NTRK1: variants seen among roughly 807,000 people sequenced by gnomAD.
NTRK1 encodes neurotrophic receptor tyrosine kinase 1, also known as high affinity nerve growth factor receptor.
A neutral mutation model predicts 86.8 loss-of-function variants in NTRK1; 62 were observed. That is an observed-to-expected ratio of 0.71 (90% CI 0.58 to 0.88). The LOEUF (loss-of-function observed/expected upper bound fraction) is 0.88. Ranked by LOEUF, NTRK1 falls within the 40% of genes least tolerant of loss-of-function variation. NTRK1 has a pLI of 0.00. For synonymous variants in NTRK1, 469 were observed against 456.6 expected (o/e 1.03, Z -0.35); for missense variants, 967 against 1,078.4 (o/e 0.90, Z 1.45).
chr1:156,881,423 T>C, intron 16 of NTRK1, 34 bp from the exon 17 acceptor site: 1 of 1,548,700 alleles, frequency 6.5e-7, no homozygotes, highest in South Asian at 1.2e-5. Flanking sequence ...CCCAGCCTAG[T>C]GGGCTTTCTC....
chr1:156,846,506 T>A (rs1440679864), intron 2 of NTRK1: 1 of 1,606,706 alleles, frequency 6.2e-7, no homozygotes, highest in South Asian at 1.1e-5. Context: ...TCTTGCACCC[T>A]CCAAATGCCT....
At chr1:156,816,639 C>G in intron 1 of NTRK1, 1 of 1,590,056 alleles carries the variant, frequency 6.3e-7, no homozygotes, top group Non-Finnish European at 8.6e-7. Context: ...GGTCTTTGTG[C>G]CCCCTCCCAC....
intron 1 of NTRK1, 91 bp downstream of exon 1, chr1:156,861,237 G>A: frequency 2.1e-6 from 3 of 1,424,360 alleles, no homozygotes; most frequent in Non-Finnish European, 2.8e-6. Context: ...TTGCTGGTCA[G>A]GCAGGACGAG....
At chr1:156,848,102 TCTCCAGCTG>T (rs146042529) in intron 2 of NTRK1, among the ~76,000 whole-genome samples, 3,466 of 152,062 alleles carry the variant, frequency 0.023, 151 homozygotes, top group African/African-American at 0.079. Flanking sequence ...TTTAACAAAC[TCTCCAGCTG>T]CCCACGCTGG....
chr1:156,816,166 TC>T, intron 1 of NTRK1: 2 of 1,520,580 alleles, frequency 1.3e-6, no homozygotes, highest in Non-Finnish European at 1.8e-6. Context: ...CCACCCCTCC[TC>T]CCAGGCTCAG....
At chr1:156,846,483 G>A (rs747954450) in intron 2 of NTRK1, 2 of 1,521,554 alleles carry the variant, frequency 1.3e-6, no homozygotes, top group South Asian at 2.3e-5. Flanking sequence ...ATGGATGCAG[G>A]CGTCTGACTG....
intron 1 of NTRK1, among the ~76,000 whole-genome samples, chr1:156,833,535 C>T (rs770549603): frequency 1.7e-4 from 25 of 147,492 alleles, no homozygotes; most frequent in Non-Finnish European, 3.1e-4. Context: ...CCAGCCTGGG[C>T]GATAAGAGCG....
At chr1:156,827,103 G>T (rs1190386362) in intron 1 of NTRK1, among the ~76,000 whole-genome samples, 2 of 150,700 alleles carry the variant, frequency 1.3e-5, no homozygotes, top group African/African-American at 2.5e-5. Flanking sequence ...ATTTTTTTGA[G>T]ACAGGATCTC....
At chr1:156,817,502 A>G (rs1234742922) in intron 1 of NTRK1, among the ~76,000 whole-genome samples, 1 of 152,082 alleles carries the variant, frequency 6.6e-6, no homozygotes, top group Non-Finnish European at 1.5e-5. Flanking sequence ...CCTGGCTTCC[A>G]TCATTCAGCA....
At position 156,850,531 on chromosome 1, in the gene NTRK1, A is replaced by T. The variant is rs1298184224; in HGVS notation, c.50+8338A>T. Among the ~76,000 whole-genome samples the T allele has an allele frequency of 2.6e-3, 251 of 97,006 alleles. 1 individual carries two copies. The highest frequency in any genetic ancestry group is 8.6e-3 in the African/African-American group (223 of 25,910). The allele number at this position is 97,006 out of a possible 152,430, so 63.6% of individuals were successfully genotyped here. A position where few individuals can be genotyped will look rare whatever the true frequency, so the allele number is the denominator to read the frequency against. ...CCCGACCTGGATGGTAATTTAAAACATTCTTTTTTTTTTTTTTTTTTTTTT... is the reference window on the plus strand; with the variant it reads ...CCCGACCTGGATGGTAATTTAAAACTTTCTTTTTTTTTTTTTTTTTTTTTT... On this transcript the variant is annotated intron_variant, in intron 2 of 16. Transcript: ENST00000392302.
intron 1 of NTRK1, chr1:156,841,381 G>A (rs1558082840): frequency 1.2e-6 from 2 of 1,612,942 alleles, no homozygotes; most frequent in Non-Finnish European, 1.7e-6. Flanking sequence ...AAGGGGCAGG[G>A]GAGGTGACTC....
chr1:156,845,612 T>C, intron 2 of NTRK1: 1 of 1,544,168 alleles, frequency 6.5e-7, no homozygotes, highest in South Asian at 1.1e-5. Context: ...GCGCGCGCTC[T>C]TCGCACATGG....
At chr1:156,873,049 G>GTGTGTC (rs1647659897) in intron 7 of NTRK1, among the ~76,000 whole-genome samples, 1 of 150,928 alleles carries the variant, frequency 6.6e-6, no homozygotes, top group South Asian at 2.1e-4. Flanking sequence ...GTGTGTGTGT[G>GTGTGTC]TGTGTGTGTG....
intron 11 of NTRK1, 86 bp downstream of exon 11, chr1:156,875,094 G>A (rs1647819625): frequency 9.8e-7 from 1 of 1,015,782 alleles, no homozygotes; most frequent in Admixed American, 1.7e-5. Context: ...GTCTCTGGGG[G>A]GCTGTGCACA....
At chr1:156,879,022 G>C (rs899297184) in intron 14 of NTRK1, 100 bp from the exon 15 acceptor site, 1 of 1,410,638 alleles carries the variant, frequency 7.1e-7, no homozygotes, top group African/African-American at 1.4e-5. Context: ...CAGGTCCCCA[G>C]TCTCCTCTCC....
intron 14 of NTRK1, 46 bp downstream of exon 14, chr1:156,876,618 GC>G (rs1558106773): frequency 6.3e-7 from 1 of 1,578,146 alleles, no homozygotes; most frequent in South Asian, 1.1e-5. Flanking sequence ...CTGGCTCTGG[GC>G]CCCGTCTTCC....
At chr1:156,851,252 G>A (rs781166702) in intron 2 of NTRK1, 16 of 1,612,102 alleles carry the variant, frequency 9.9e-6, no homozygotes, top group Middle Eastern at 1.7e-4. Context: ...GGAGGAAGGA[G>A]TGTAATAGAA....
chr1:156,874,901 A>G lies in NTRK1; in HGVS notation c.1252-5A>G. 1 of 1,603,486 alleles carries G rather than the reference A, an allele frequency of 6.2e-7. No individual in the cohort carries two copies. The highest frequency in any genetic ancestry group is 8.5e-7 in the Non-Finnish European group (1 of 1,172,892). On this transcript the variant is annotated splice_polypyrimidine_tract_variant and splice_region_variant and intron_variant, in intron 10 of 16. Transcript: ENST00000524377. ...CTGGATCTAACTACCCCTGTCCCCCACCAGGTCTCGGTGGCTGTGGGCCTG... is the reference window on the plus strand; with the variant it reads ...CTGGATCTAACTACCCCTGTCCCCCGCCAGGTCTCGGTGGCTGTGGGCCTG...
rs751143746 is a variant in NTRK1, at chr1:156,841,062, C to G, written c.-63-1019C>G. The G allele has an allele frequency of 5.1e-6, 8 of 1,580,500 alleles. No individual in the cohort carries two copies. In the African/African-American group the frequency reaches 9.4e-5, roughly 19 times the overall value. On this transcript the variant is annotated intron_variant, in intron 1 of 16. Transcript: ENST00000392302. ...CCAGAATGTGTGTGAAAGATGGGCG[C>G]AGGCGTGGGTTCGGCTGCCAGCAGC...
Sources: gnomAD v4.1 joint callset for allele counts (sites outside exome capture counted in the v4.1 genomes callset) on GRCh38, gnomAD v4.1.1 for gene constraint, MANE v1.5 for transcripts, NCBI Gene and HGNC (gene_info 2026-07-23, HGNC 2026-07-21) for gene names.